PCDH11X: variants seen among roughly 807,000 people sequenced by gnomAD.
PCDH11X encodes protocadherin 11 X-linked, also known as protocadherin-11 X-linked.
Under a neutral mutation model 53.3 loss-of-function variants are expected in PCDH11X, and 18 were observed. The observed-to-expected ratio is 0.34, with a 90% CI of 0.23 to 0.50. The LOEUF (loss-of-function observed/expected upper bound fraction) is 0.50, where lower values mean the gene tolerates loss of function less well. Among genes scored for constraint, PCDH11X ranks in the 20% least tolerant of loss-of-function variants. PCDH11X has a pLI of 0.98. For synonymous variants in PCDH11X, 279 were observed against 393.3 expected (o/e 0.71, Z 3.44); for missense variants, 570 against 1,032.4 (o/e 0.55, Z 6.14).
At chrX:92,237,354 T>C (rs994888439) in intron 7 of PCDH11X, among the ~76,000 whole-genome samples, 1 of 110,825 alleles carries the variant, frequency 9.0e-6, no homozygotes, top group African/African-American at 3.3e-5. Flanking sequence ...CTGCTAATTT[T>C]ACCTCTGTTA....
chrX:92,406,310 G>T (rs1407104547), intron 9 of PCDH11X, among the ~76,000 whole-genome samples: 2 of 106,476 alleles, frequency 1.9e-5, no homozygotes, highest in Non-Finnish European at 3.8e-5. Context: ...TTATTTTAGC[G>T]GTGGCATGGT....
chrX:92,058,027 G>A (rs1602777824), intron 6 of PCDH11X, among the ~76,000 whole-genome samples: 2 of 98,412 alleles, frequency 2.0e-5, no homozygotes, highest in Middle Eastern at 9.6e-3. Context: ...TCAAGTCTTG[G>A]GACAAAACCT....
intron 1 of PCDH11X, among the ~76,000 whole-genome samples, chrX:91,804,524 G>T (rs1212055755): frequency 9.5e-6 from 1 of 105,342 alleles, no homozygotes; most frequent in Non-Finnish European, 2.0e-5. Context: ...TTCATCATTT[G>T]CAAATGACTA....
chrX:91,888,123 C>G (rs1290514288), intron 6 of PCDH11X, among the ~76,000 whole-genome samples: 2 of 111,484 alleles, frequency 1.8e-5, no homozygotes, highest in Non-Finnish European at 3.8e-5. Flanking sequence ...TCCATACATA[C>G]ACAAATATAT....
At chrX:91,995,309 G>A (rs1441921074) in intron 6 of PCDH11X, among the ~76,000 whole-genome samples, 5 of 110,045 alleles carry the variant, frequency 4.5e-5, no homozygotes, top group Non-Finnish European at 3.8e-5. Flanking sequence ...GAATTTTACA[G>A]TTTTATGAGT....
At chrX:92,188,934 A>C (rs2148303844) in intron 6 of PCDH11X, among the ~76,000 whole-genome samples, 1 of 111,773 alleles carries the variant, frequency 8.9e-6, no homozygotes, top group African/African-American at 3.2e-5. Flanking sequence ...CTTGGAATAT[A>C]ATTTAATATA....
intron 6 of PCDH11X, among the ~76,000 whole-genome samples, chrX:91,957,794 C>T (rs1475551113): frequency 1.8e-5 from 2 of 108,546 alleles, no homozygotes; most frequent in African/African-American, 6.8e-5. Flanking sequence ...TTTGGTAGAG[C>T]AGGCATGCTG....
At chrX:92,538,158 T>C (rs372763987) in intron 10 of PCDH11X, among the ~76,000 whole-genome samples, 1 of 109,210 alleles carries the variant, frequency 9.2e-6, no homozygotes, top group East Asian at 2.9e-4. Flanking sequence ...TCTTGAAATC[T>C]ATGTTGTTGA....
intron 10 of PCDH11X, among the ~76,000 whole-genome samples, chrX:92,569,305 G>T (rs898807670): frequency 1.8e-5 from 2 of 110,903 alleles, no homozygotes; most frequent in Admixed American, 9.6e-5. Context: ...ACTTTATAGG[G>T]TTGCTGTTAT....
intron 6 of PCDH11X, among the ~76,000 whole-genome samples, chrX:92,038,464 G>A (rs6618824): frequency 9.0e-6 from 1 of 111,670 alleles, no homozygotes; most frequent in African/African-American, 3.3e-5. Context: ...ACGTGGTATA[G>A]AGCCTGCAAT....
At chrX:92,603,968 T>C (rs1196728136) in intron 10 of PCDH11X, among the ~76,000 whole-genome samples, 1 of 106,886 alleles carries the variant, frequency 9.4e-6, no homozygotes, top group Non-Finnish European at 1.9e-5. Context: ...TATAAACAAT[T>C]GTATAAGATA....
chrX:92,164,179 C>A (rs1382497360), intron 6 of PCDH11X, among the ~76,000 whole-genome samples: 1 of 111,835 alleles, frequency 8.9e-6, no homozygotes, highest in African/African-American at 3.3e-5. Flanking sequence ...ATGACACGGG[C>A]TTCTTCTTAC....
chrX:92,421,156 G>A (rs1268390773), intron 9 of PCDH11X, among the ~76,000 whole-genome samples: 7 of 111,484 alleles, frequency 6.3e-5, no homozygotes, highest in Non-Finnish European at 1.3e-4. Flanking sequence ...AGGGGCACAT[G>A]TTATACAGGT....
intron 6 of PCDH11X, among the ~76,000 whole-genome samples, chrX:91,895,590 A>G (rs1191902520): frequency 9.1e-6 from 1 of 110,185 alleles, no homozygotes; most frequent in African/African-American, 3.3e-5. Flanking sequence ...CCCAAGTTTT[A>G]ACACCTTCTC....
intron 10 of PCDH11X, among the ~76,000 whole-genome samples, chrX:92,552,345 G>T (rs1306285616): frequency 9.3e-6 from 1 of 107,621 alleles, no homozygotes; most frequent in Non-Finnish European, 1.9e-5. Flanking sequence ...CTTACAGATT[G>T]TTCCTTGTTG....
chrX:92,532,103 A>G (rs755186515), intron 10 of PCDH11X, among the ~76,000 whole-genome samples: 1 of 111,388 alleles, frequency 9.0e-6, no homozygotes, highest in African/African-American at 3.3e-5. Flanking sequence ...TTCTACTTCA[A>G]GTTGCCATTG....
chrX:91,872,094 C>T (rs1169019598), intron 5 of PCDH11X, among the ~76,000 whole-genome samples: 4 of 110,423 alleles, frequency 3.6e-5, no homozygotes, highest in Admixed American at 9.7e-5. Context: ...GTTGATCACA[C>T]GTATCCATGT....
chrX:91,875,034 G>A (rs939985827), intron 5 of PCDH11X, among the ~76,000 whole-genome samples: 9 of 109,621 alleles, frequency 8.2e-5, no homozygotes, highest in East Asian at 2.9e-4. Context: ...TTATTTAGAT[G>A]TACATATGTG....
intron 6 of PCDH11X, among the ~76,000 whole-genome samples, chrX:92,087,998 A>T (rs2063988129): frequency 9.4e-6 from 1 of 106,213 alleles, no homozygotes. Context: ...TATATAAGCA[A>T]TTTAACTGCA....
Sources: allele counts gnomAD v4.1 joint callset (sites outside exome capture counted in the v4.1 genomes callset), GRCh38; gene constraint gnomAD v4.1.1; transcripts MANE v1.5; gene names NCBI Gene and HGNC (gene_info 2026-07-23, HGNC 2026-07-21).